Variants in WWOX observed in about 807,000 individuals in gnomAD.
WWOX encodes the protein WW domain-containing oxidoreductase.
A neutral mutation model predicts 46.2 loss-of-function variants in WWOX; 69 were observed. The observed-to-expected ratio is 1.49, with a 90% CI of 1.23 to 1.82. The LOEUF is 1.82. Among genes scored for constraint, WWOX ranks in the 40% most tolerant of loss-of-function variants. The pLI, the probability that WWOX is intolerant of heterozygous loss-of-function variation, is 0.00. For synonymous variants in WWOX, 359 were observed against 202.6 expected, an observed-to-expected ratio of 1.77 and a Z score of -6.56; for missense variants, 919 against 542.6, an observed-to-expected ratio of 1.69 and a Z score of -6.89.
At chr16:78,319,755 A>T (rs1390001690) in intron 5 of WWOX, among the ~76,000 whole-genome samples, 1 of 152,182 alleles carries the variant, frequency 6.6e-6, no homozygotes. Flanking sequence ...TTCCATCTGC[A>T]CCGAGGTCTC....
At chr16:78,607,773 A>G (rs1326238849) in intron 8 of WWOX, among the ~76,000 whole-genome samples, 2 of 150,698 alleles carry the variant, frequency 1.3e-5, no homozygotes, top group African/African-American at 2.4e-5. Flanking sequence ...GTTTCATTGC[A>G]TTTTCATATT....
intron 8 of WWOX, chr16:78,897,914 G>C (rs559857632): frequency 1.3e-5 from 2 of 152,134 alleles, no homozygotes; most frequent in African/African-American, 4.8e-5. Flanking sequence ...CATTTTCCTA[G>C]TGACTAATGC....
chr16:78,709,567 T>C (rs1010926832), intron 8 of WWOX, among the ~76,000 whole-genome samples: 9 of 152,134 alleles, frequency 5.9e-5, no homozygotes, highest in Admixed American at 3.9e-4. Context: ...CACTTGCCTG[T>C]CTGCACTGCC....
chr16:78,455,193 G>A (rs1196118106), intron 8 of WWOX, among the ~76,000 whole-genome samples: 1 of 152,198 alleles, frequency 6.6e-6, no homozygotes, highest in Non-Finnish European at 1.5e-5. Flanking sequence ...ACTGAGACTT[G>A]AATGATGTGT....
chr16:78,901,485 G>T (rs541280589), intron 8 of WWOX, among the ~76,000 whole-genome samples: 6 of 152,166 alleles, frequency 3.9e-5, no homozygotes, highest in African/African-American at 9.6e-5. Flanking sequence ...CTGGTAGTCA[G>T]TGTTCTCTTT....
intron 8 of WWOX, among the ~76,000 whole-genome samples, chr16:78,707,462 A>G (rs1274612987): frequency 6.6e-6 from 1 of 152,204 alleles, no homozygotes; most frequent in Non-Finnish European, 1.5e-5. Context: ...GCTAGTTGGT[A>G]TAGCTTCCTT....
chr16:78,763,638 TGCCCA>T (rs1433811624), intron 8 of WWOX, among the ~76,000 whole-genome samples: 2 of 152,236 alleles, frequency 1.3e-5, no homozygotes, highest in Non-Finnish European at 2.9e-5. Flanking sequence ...CACCACTGTA[TGCCCA>T]GCACCTAGTA....
At chr16:79,211,574 AAATTTTTTTTT>A in intron 8 of WWOX, 23 bp from the exon 9 acceptor site, 1 of 1,613,986 alleles carries the variant, frequency 6.2e-7, no homozygotes, top group Non-Finnish European at 8.5e-7. Flanking sequence ...CCTTTTCTTA[AAATTTTTTTTT>A]GTCTTTCTTC....
At chr16:79,162,293 G>A (rs1483563696) in intron 8 of WWOX, among the ~76,000 whole-genome samples, 1 of 152,168 alleles carries the variant, frequency 6.6e-6, no homozygotes. Flanking sequence ...GGGGCTCTAA[G>A]GCGGAATTTA....
chr16:78,796,711 C>T (rs1306042342), intron 8 of WWOX, among the ~76,000 whole-genome samples: 1 of 152,228 alleles, frequency 6.6e-6, no homozygotes, highest in Non-Finnish European at 1.5e-5. Flanking sequence ...AAGGGCCCTG[C>T]CTGGGCTAGG....
intron 6 of WWOX, among the ~76,000 whole-genome samples, chr16:78,413,948 A>T (rs896890861): frequency 6.6e-6 from 1 of 151,490 alleles, no homozygotes; most frequent in African/African-American, 2.4e-5. Context: ...CTGCACATAT[A>T]CATCCAGATG....
intron 8 of WWOX, among the ~76,000 whole-genome samples, chr16:78,474,404 T>C (rs9937755): frequency 0.12 from 17,884 of 152,246 alleles, 1,229 homozygotes; most frequent in Non-Finnish European, 0.16. Flanking sequence ...ACAGAAGATA[T>C]TTTGTAGTGA....
chr16:78,478,393 A>G (rs941939608), intron 8 of WWOX, among the ~76,000 whole-genome samples: 95 of 152,256 alleles, frequency 6.2e-4, no homozygotes, highest in African/African-American at 2.2e-3. Context: ...CCTTAAGCCA[A>G]TGTTAGCATG....
chr16:78,194,472 C>G (rs1394349010), intron 5 of WWOX, among the ~76,000 whole-genome samples: 1 of 151,028 alleles, frequency 6.6e-6, no homozygotes, highest in East Asian at 2.0e-4. Context: ...CCTGTATTCC[C>G]AGCTACTCGG....
intron 8 of WWOX, among the ~76,000 whole-genome samples, chr16:78,562,326 G>T (rs1304336433): frequency 6.6e-6 from 1 of 152,196 alleles, no homozygotes; most frequent in Non-Finnish European, 1.5e-5. Flanking sequence ...TGCATATTCT[G>T]CATCTACTCT....
intron 8 of WWOX, among the ~76,000 whole-genome samples, chr16:78,776,363 C>G (rs932893257): frequency 3.9e-5 from 6 of 151,994 alleles, no homozygotes; most frequent in African/African-American, 1.5e-4. Flanking sequence ...GCCTGGAGTC[C>G]TGCCTCTGTG....
At chr16:79,061,163 C>G (rs1386888922) in intron 8 of WWOX, among the ~76,000 whole-genome samples, 2 of 152,164 alleles carry the variant, frequency 1.3e-5, no homozygotes, top group South Asian at 2.1e-4. Flanking sequence ...GAAATGATAA[C>G]CAGATCTCAT....
intron 8 of WWOX, among the ~76,000 whole-genome samples, chr16:78,970,192 C>T (rs150989705): frequency 3.3e-4 from 50 of 152,258 alleles, no homozygotes; most frequent in African/African-American, 1.2e-3. Flanking sequence ...GCTGTTAATG[C>T]CCCCTTTGAA....
Position 78,413,306 on chromosome 16 carries a change from G to C in WWOX, c.606-11564G>C, listed in dbSNP as rs1159925370. Among the ~76,000 whole-genome samples the C allele has an allele frequency of 3.9e-5, 6 of 152,298 alleles. No individual in the cohort carries two copies. The East Asian group carries it at 7.7e-4, about 20-fold the overall frequency. ...GTCCATGTGAAGAGACCACCAAACA[G>C]GGTTTGTGTGAACAACAAGGCTGTT... is the stretch of plus-strand genomic sequence containing the variant. On this transcript the variant is annotated intron_variant, in intron 6 of 8. Transcript: ENST00000566780.
Sources: allele counts gnomAD v4.1 joint callset (sites outside exome capture counted in the v4.1 genomes callset), GRCh38; gene constraint gnomAD v4.1.1; transcripts MANE v1.5; gene names NCBI Gene and HGNC (gene_info 2026-07-23, HGNC 2026-07-21).